CACNA1C: variants seen among roughly 807,000 people sequenced by gnomAD.
The protein encoded by CACNA1C is calcium voltage-gated channel subunit alpha1 C.
Under a neutral mutation model 229.0 loss-of-function variants are expected in CACNA1C, and 30 were observed. The observed-to-expected ratio is 0.13, with a 90% CI of 0.10 to 0.18. The LOEUF (loss-of-function observed/expected upper bound fraction) is 0.18. CACNA1C is among the 10% of genes least tolerant of loss of function. The pLI is 1.00. For synonymous variants in CACNA1C, 1,114 were observed against 1,132.5 expected (o/e 0.98, Z 0.33); for missense variants, 1,658 against 2,845.0 (o/e 0.58, Z 9.49).
chr12:2,662,913 T>C (rs1382521930), intron 34 of CACNA1C, among the ~76,000 whole-genome samples: 2 of 152,224 alleles, frequency 1.3e-5, no homozygotes, highest in African/African-American at 4.8e-5. Context: ...ATAAATAGTA[T>C]TAACAAAATG....
intron 1 of CACNA1C, among the ~76,000 whole-genome samples, chr12:2,023,736 T>G (rs1184114334): frequency 6.6e-6 from 1 of 152,168 alleles, no homozygotes; most frequent in Non-Finnish European, 1.5e-5. Flanking sequence ...AAATGTGCCT[T>G]TCTAAGTAAA....
At chr12:2,514,956 G>A (rs983237584) in intron 9 of CACNA1C, among the ~76,000 whole-genome samples, 9 of 152,332 alleles carry the variant, frequency 5.9e-5, no homozygotes, top group African/African-American at 2.2e-4. Context: ...TTTGAGAAGA[G>A]CATAATGAGC....
chr12:2,233,463 C>T (rs1200425914), intron 3 of CACNA1C, among the ~76,000 whole-genome samples: 1 of 152,184 alleles, frequency 6.6e-6, no homozygotes, highest in Non-Finnish European at 1.5e-5. Flanking sequence ...GTCTAGGAGA[C>T]ATTACTCCTT....
At chr12:2,295,653 A>G (rs932082751) in intron 3 of CACNA1C, among the ~76,000 whole-genome samples, 1 of 152,244 alleles carries the variant, frequency 6.6e-6, no homozygotes, top group Non-Finnish European at 1.5e-5. Context: ...AACAATACCT[A>G]CCATTTATTC....
chr12:2,137,050 G>T (rs1161611658), intron 3 of CACNA1C, among the ~76,000 whole-genome samples: 7 of 151,396 alleles, frequency 4.6e-5, no homozygotes, highest in African/African-American at 1.7e-4. Flanking sequence ...CATAACATGT[G>T]GGGGACCCCA....
At chr12:2,195,115 G>C (rs2097361576) in intron 3 of CACNA1C, among the ~76,000 whole-genome samples, 3 of 152,340 alleles carry the variant, frequency 2.0e-5, no homozygotes, top group Admixed American at 2.0e-4. Context: ...GATAGCAGCA[G>C]TGATGATGGT....
intron 3 of CACNA1C, among the ~76,000 whole-genome samples, chr12:2,135,649 A>G (rs1286062614): frequency 1.3e-4 from 19 of 143,036 alleles, no homozygotes; most frequent in Admixed American, 1.0e-3. Flanking sequence ...CCACTTGAAG[A>G]GGCAGTCTGC....
intron 1 of CACNA1C, among the ~76,000 whole-genome samples, chr12:1,979,556 CCCGCCTCAG>C (rs2154463885): frequency 6.6e-6 from 1 of 152,380 alleles, no homozygotes; most frequent in African/African-American, 2.4e-5. Context: ...AAGTGATCCG[CCCGCCTCAG>C]CCTCCCATAG....
chr12:2,006,611 T>C (rs2043515710), intron 1 of CACNA1C, among the ~76,000 whole-genome samples: 1 of 152,130 alleles, frequency 6.6e-6, no homozygotes. Context: ...ACATACCCTC[T>C]CATAATAATA....
At chr12:2,426,715 T>C (rs2099035715) in intron 3 of CACNA1C, among the ~76,000 whole-genome samples, 1 of 152,246 alleles carries the variant, frequency 6.6e-6, no homozygotes, top group African/African-American at 2.4e-5. Flanking sequence ...CTTGGTTTGG[T>C]GTTCAAGTGT....
chr12:2,144,423 T>C (rs1305448726), intron 3 of CACNA1C, among the ~76,000 whole-genome samples: 2 of 151,244 alleles, frequency 1.3e-5, no homozygotes, highest in Non-Finnish European at 3.0e-5. Context: ...ATTCTTAGGG[T>C]GGTCTGTTTT....
intron 3 of CACNA1C, among the ~76,000 whole-genome samples, chr12:2,417,609 C>T (rs778047156): frequency 7.9e-5 from 12 of 152,008 alleles, no homozygotes; most frequent in South Asian, 4.1e-4. Flanking sequence ...GTGGTCCAGG[C>T]GGATGACAAG....
intron 9 of CACNA1C, among the ~76,000 whole-genome samples, chr12:2,534,096 T>C (rs1028012725): frequency 5.9e-5 from 9 of 151,922 alleles, no homozygotes; most frequent in Admixed American, 1.3e-4. Flanking sequence ...TTTGTGCATG[T>C]GGGGGAGTGG....
At position 2,690,999 on chromosome 12, in the gene CACNA1C, G is replaced by A. The variant is rs1242078709; in HGVS notation, c.6217G>A (p.Glu2073Lys). The A allele has an allele frequency of 6.2e-7, 1 of 1,600,610 alleles. No homozygotes were observed. The highest frequency in any genetic ancestry group is 1.1e-5 in the South Asian group (1 of 88,746). The change falls in exon 47 of 47, where the codon GAG (glutamate) becomes AAG (lysine). Residue 2073 changes from glutamate to lysine, a missense_variant. Glu to Lys is a moderately conservative substitution (Grantham distance 56, BLOSUM62 1). Transcript: ENST00000399655. ...CGACGCCTGCGACATGACCATAGAG[G>A]AGATGGAGAGCGCGGCCGACAACAT... The part of the protein sequence containing the change: ...LADACDMTIE[E>K]MESAADNILS...
intron 29 of CACNA1C, among the ~76,000 whole-genome samples, chr12:2,627,023 G>A (rs938317171): frequency 6.6e-6 from 1 of 152,224 alleles, no homozygotes; most frequent in Non-Finnish European, 1.5e-5. Context: ...TAAGGAGTGT[G>A]TGTTCCTCCT....
chr12:2,039,426 T>C (rs2049705702), intron 1 of CACNA1C, among the ~76,000 whole-genome samples: 1 of 152,224 alleles, frequency 6.6e-6, no homozygotes, highest in Non-Finnish European at 1.5e-5. Context: ...GCAATATATT[T>C]TTTGGATTAA....
intron 37 of CACNA1C, among the ~76,000 whole-genome samples, chr12:2,667,323 T>C (rs12816851): frequency 0.011 from 1,318 of 115,450 alleles, 8 homozygotes; most frequent in African/African-American, 0.033. Context: ...GGCCATTCCG[T>C]GCTCCTTGTT....
intron 3 of CACNA1C, among the ~76,000 whole-genome samples, chr12:2,396,469 AG>A (rs1458957680): frequency 4.6e-5 from 7 of 152,052 alleles, no homozygotes. Context: ...CAAGTGGTTC[AG>A]GTCAGGCTTA....
chr12:2,455,469 G>A (rs558193731), intron 4 of CACNA1C, among the ~76,000 whole-genome samples: 8 of 152,154 alleles, frequency 5.3e-5, no homozygotes, highest in East Asian at 3.9e-4. Flanking sequence ...TGGCTATGTC[G>A]GGTGAAATAA....
Sources: allele counts gnomAD v4.1 joint callset (sites outside exome capture counted in the v4.1 genomes callset), GRCh38; gene constraint gnomAD v4.1.1; transcripts MANE v1.5; gene names NCBI Gene and HGNC (gene_info 2026-07-23, HGNC 2026-07-21).